NLRP13: variants seen among roughly 807,000 people sequenced by gnomAD.
NLRP13 encodes NLR family pyrin domain containing 13.
Under a neutral mutation model 94.4 loss-of-function variants are expected in NLRP13, and 82 were observed. The ratio of observed to expected loss-of-function variants is 0.87; its 90% confidence interval spans 0.73 to 1.04. NLRP13 has a LOEUF of 1.04. NLRP13 is among the 50% of genes least tolerant of loss of function. The pLI, the probability that NLRP13 is intolerant of heterozygous loss-of-function variation, is 0.00. For missense variants in NLRP13, 1,426 were observed against 1,230.8 expected (o/e 1.16, Z -2.37); for synonymous variants, 553 against 464.7 (o/e 1.19, Z -2.45).
intron 5 of NLRP13, among the ~76,000 whole-genome samples, chr19:55,910,981 G>A (rs1986493701): frequency 6.6e-6 from 1 of 152,018 alleles, no homozygotes; most frequent in Non-Finnish European, 1.5e-5. Flanking sequence ...GTGTAGTGGT[G>A]CATGCCTGTA....
At position 55,924,670 on chromosome 19, in the gene NLRP13, A is replaced by G; in HGVS notation, c.389-12T>C. 1 of 1,610,006 alleles carries G rather than the reference A, an allele frequency of 6.2e-7. No homozygotes were observed. The highest frequency in any genetic ancestry group is 8.5e-7 in the Non-Finnish European group (1 of 1,176,372). ...GGTCTGCATATTCCCTGAAATAAAC[A>G]TTGACGATGAGATATGAAAATACCC... is the stretch of plus-strand genomic sequence containing the variant. On this transcript the variant is annotated splice_polypyrimidine_tract_variant and intron_variant, in intron 2 of 10. Transcript: ENST00000342929.
intron 4 of NLRP13, among the ~76,000 whole-genome samples, chr19:55,916,342 G>A (rs138821608): frequency 7.9e-5 from 12 of 152,258 alleles, no homozygotes; most frequent in African/African-American, 2.9e-4. Context: ...CCAAAGGATT[G>A]TACTAACTCT....
chr19:55,916,637 A>C (rs911776384), intron 4 of NLRP13, among the ~76,000 whole-genome samples: 2 of 152,220 alleles, frequency 1.3e-5, no homozygotes, highest in Admixed American at 1.3e-4. Flanking sequence ...TCAGAACTTG[A>C]AGGTCTTTTG....
At position 55,911,686 on chromosome 19, in the gene NLRP13, A is replaced by C. The variant is rs1489862929; in HGVS notation, c.2111+20T>G. On this transcript the variant is annotated intron_variant, in intron 5 of 10. Transcript: ENST00000342929. The stretch of plus-strand genomic sequence containing the variant: ...AGAAAACAGGAGAAAGCTGAGAAAG[A>C]AATGGTTTGTAATACTCACTCCAGA... The C allele has an allele frequency of 6.4e-7, 1 of 1,550,584 alleles. No individual in the cohort carries two copies. The highest frequency in any genetic ancestry group is 1.4e-5 in the African/African-American group (1 of 72,356).
At chr19:55,918,253 C>CAAAAAAAAA (rs34099048) in intron 4 of NLRP13, among the ~76,000 whole-genome samples, 21 of 130,802 alleles carry the variant, frequency 1.6e-4, no homozygotes, top group African/African-American at 5.4e-4. Flanking sequence ...TGTGATACAG[C>CAAAAAAAAA]AAAAAAAAAA....
At chr19:55,909,706 CA>C (rs1289243130) in intron 6 of NLRP13, among the ~76,000 whole-genome samples, 4 of 152,298 alleles carry the variant, frequency 2.6e-5, no homozygotes, top group Non-Finnish European at 5.9e-5. Context: ...CAGCTGGCTC[CA>C]ACATGTCACT....
downstream of NLRP13, among the ~76,000 whole-genome samples, chr19:55,894,463 C>A (rs1490207073): frequency 6.6e-6 from 1 of 152,158 alleles, no homozygotes; most frequent in Non-Finnish European, 1.5e-5. Flanking sequence ...AGGGCCTTTG[C>A]ACATGCTACT....
downstream of NLRP13, chr19:55,892,061 G>A: frequency 8.2e-7 from 1 of 1,225,918 alleles, no homozygotes; most frequent in Non-Finnish European, 1.0e-6. Flanking sequence ...GTTTCAGACA[G>A]AGCTCCTTCT....
intron 1 of NLRP13, among the ~76,000 whole-genome samples, chr19:55,930,901 A>ATATATATATATATATTTTTTT (rs1338071833): frequency 2.0e-5 from 2 of 98,282 alleles, no homozygotes; most frequent in Admixed American, 1.9e-4. Flanking sequence ...TATATATAAA[A>ATATATATATATATATTTTTTT]TTTTAACCAG....
chr19:55,926,710 C>T (rs1484452171), intron 1 of NLRP13, among the ~76,000 whole-genome samples: 1 of 152,040 alleles, frequency 6.6e-6, no homozygotes, highest in Non-Finnish European at 1.5e-5. Flanking sequence ...ACTGCCCATG[C>T]GGAGGGTGGT....
rs10421039 is a variant in NLRP13 at position 55,927,490 on chromosome 19, A to G, written c.320-2455T>C. ...AAAAAAATCCCAGTTCTGGACTTCC[A>G]TTTGTACACCTGTGGAAGCCTGAAA... is the stretch of plus-strand genomic sequence containing the variant. On this transcript the variant is annotated intron_variant, in intron 1 of 10. Transcript: ENST00000342929. Among the ~76,000 whole-genome samples, 994 of 150,098 alleles carry G rather than the reference A, an allele frequency of 6.6e-3. 10 individuals carry two copies. The highest frequency in any genetic ancestry group is 0.022 in the African/African-American group (913 of 40,722).
chr19:55,907,292 G>GC (rs137937565), intron 7 of NLRP13, among the ~76,000 whole-genome samples: 7,349 of 152,110 alleles, frequency 0.048, 571 homozygotes, highest in African/African-American at 0.17. Flanking sequence ...ACTAGGTTGG[G>GC]CCGGGCACAT....
In NLRP13 at chr19:55,912,170, C is replaced by G. The variant is rs1337227794; in HGVS notation, c.1647G>C (p.Val549=). 3 of 1,614,130 alleles carry G rather than the reference C, an allele frequency of 1.9e-6. No individual in the cohort carries two copies. The highest frequency in any genetic ancestry group is 2.7e-5 in the African/African-American group (2 of 75,018). Residue 549 remains valine, a synonymous_variant, in exon 5 of 11, where the codon GTG becomes GTC. Coordinates refer to ENST00000342929, the MANE Select transcript of NLRP13 (RefSeq NM_176810.2). ...GAGGGAATTCTCTAGGTTCCTCTAG[C>G]ACAAAGGACATGGCTGCAAAAAACT... ...FQEFFAAMSF[V]LEEPREFPPH...
At chr19:55,929,435 C>A (rs1017849480) in intron 1 of NLRP13, among the ~76,000 whole-genome samples, 4 of 152,284 alleles carry the variant, frequency 2.6e-5, no homozygotes, top group Middle Eastern at 3.4e-3. Flanking sequence ...CCATGGAATA[C>A]TATGCAGCCG....
chr19:55,905,503 A>G (rs987425924), intron 7 of NLRP13, among the ~76,000 whole-genome samples: 2 of 149,196 alleles, frequency 1.3e-5, no homozygotes, highest in South Asian at 2.1e-4. Flanking sequence ...ATATACATAT[A>G]TATCTGGGCA....
intron 1 of NLRP13, among the ~76,000 whole-genome samples, chr19:55,927,316 C>T (rs1356931524): frequency 6.7e-5 from 10 of 149,696 alleles, no homozygotes; most frequent in Non-Finnish European, 1.2e-4. Context: ...TGCAGTGAGC[C>T]GAGATCATGC....
intron 4 of NLRP13, among the ~76,000 whole-genome samples, chr19:55,922,387 G>C (rs1277231355): frequency 6.6e-6 from 1 of 152,038 alleles, no homozygotes; most frequent in African/African-American, 2.4e-5. Flanking sequence ...GAGTGCAGTG[G>C]CATGATCTTG....
Position 55,905,072 on chromosome 19 carries a change from G to A in NLRP13, c.2488C>T (p.Leu830=). 1 of 1,613,818 alleles carries A rather than the reference G, an allele frequency of 6.2e-7. No individual in the cohort carries two copies. The highest frequency in any genetic ancestry group is 8.5e-7 in the Non-Finnish European group (1 of 1,179,920). The change falls in exon 8 of 11, where the codon CTA becomes TTA. Residue 830 remains leucine, a synonymous_variant. Transcript: ENST00000342929. The part of the protein sequence containing the change: ...CNLSAASCQD[L]ALFLTSIQHV... ...TGGATGCTGGTGAGAAACAAGGCTA[G>A]GTCCTGACAGCTGGCTGCCGACAAG... is the stretch of plus-strand genomic sequence containing the variant.
chr19:55,913,905 C>A (rs1986612188), intron 4 of NLRP13, among the ~76,000 whole-genome samples: 1 of 152,160 alleles, frequency 6.6e-6, no homozygotes, highest in South Asian at 2.1e-4. Flanking sequence ...AGCCCTCTTC[C>A]CTCACCAGCT....
Sources: allele counts gnomAD v4.1 joint callset (sites outside exome capture counted in the v4.1 genomes callset), GRCh38; gene constraint gnomAD v4.1.1; transcripts MANE v1.5; gene names NCBI Gene and HGNC (gene_info 2026-07-23, HGNC 2026-07-21).